The following KDM7A variants were observed in gnomAD, a reference collection of about 807,000 sequenced individuals.
KDM7A encodes the protein lysine-specific demethylase 7A.
Under a neutral mutation model 114.8 loss-of-function variants are expected in KDM7A, and 28 were observed. The observed-to-expected ratio is 0.24, with a 90% CI of 0.18 to 0.33. The LOEUF (loss-of-function observed/expected upper bound fraction) is 0.33. Among genes scored for constraint, KDM7A ranks in the 10% least tolerant of loss-of-function variants. The pLI is 1.00. For missense variants in KDM7A, 942 were observed against 1,142.5 expected (o/e 0.82, Z 2.53); for synonymous variants, 423 against 397.8 (o/e 1.06, Z -0.75).
chr7:140,099,937 A>C lies in KDM7A; in HGVS notation c.1725T>G (p.Asn575Lys). Residue 575 changes from asparagine to lysine, a missense_variant, in exon 13 of 20, where the codon AAT (asparagine) becomes AAG (lysine). Asn to Lys is a moderately conservative substitution (Grantham distance 94). Around this residue, in one of 4 missense-constraint regions of KDM7A, gnomAD observed 512 missense variants for 576.6 expected, o/e 0.89. Transcript: ENST00000397560. ...STVPEWRAKDNDLRLLLTNGR... is the reference protein window; with the variant it reads ...STVPEWRAKDKDLRLLLTNGR... ...CATTTGTCAGCAGTAATCGTAGATC[A>C]TTATCTTTCGCTCTCCATTCAGGTA... is the stretch of plus-strand genomic sequence containing the variant. 4 of 1,611,894 alleles carry C rather than the reference A, an allele frequency of 2.5e-6. No individual in the cohort carries two copies. The highest frequency in any genetic ancestry group is 2.5e-6 in the Non-Finnish European group (3 of 1,177,894).
intron 9 of KDM7A, among the ~76,000 whole-genome samples, chr7:140,114,541 G>A (rs1326181562): frequency 6.6e-6 from 1 of 152,188 alleles, no homozygotes; most frequent in East Asian, 1.9e-4. Flanking sequence ...CCAGCCGCCT[G>A]CCTTGGCCTC....
At chr7:140,115,414 A>C (rs1319833352) in intron 9 of KDM7A, among the ~76,000 whole-genome samples, 1 of 152,238 alleles carries the variant, frequency 6.6e-6, no homozygotes, top group Non-Finnish European at 1.5e-5. Flanking sequence ...TGTAGAAAGA[A>C]GTAGACATGG....
In KDM7A at chr7:140,166,859, T is replaced by C. The variant is rs536430259; in HGVS notation, c.194+9885A>G. Among the ~76,000 whole-genome samples the C allele has an allele frequency of 1.5e-3, 223 of 152,326 alleles. 6 individuals carry two copies. Among genetic ancestry groups the C allele is most frequent in the Middle Eastern group, 0.01 (3 of 294 alleles). On this transcript the variant is annotated intron_variant, in intron 1 of 19. Transcript: ENST00000397560. ...AGTACTAAAACTCTCTATTTGTATA[T>C]TACATATCAGTTCCCTAAGTGATAA...
At chr7:140,096,506 T>C (rs1369300346) in intron 17 of KDM7A, 49 bp downstream of exon 17, 1 of 1,373,586 alleles carries the variant, frequency 7.3e-7, no homozygotes, top group Non-Finnish European at 1.0e-6. Context: ...AGCCATTAAG[T>C]TGGGCAACAT....
chr7:140,133,799 G>A (rs1443349493), intron 2 of KDM7A, 143 bp from the exon 3 acceptor site: 1 of 524,300 alleles, frequency 1.9e-6, no homozygotes, highest in African/African-American at 1.9e-5. Context: ...TTCCAGGCCT[G>A]AGAATTTTGC....
At chr7:140,114,429 C>T (rs966230475) in intron 9 of KDM7A, among the ~76,000 whole-genome samples, 1 of 152,052 alleles carries the variant, frequency 6.6e-6, no homozygotes, top group Admixed American at 6.5e-5. Context: ...CTTGGCCTCC[C>T]GAGGTGCCGG....
chr7:140,166,998 T>C (rs1562961798), intron 1 of KDM7A, among the ~76,000 whole-genome samples: 1 of 151,376 alleles, frequency 6.6e-6, no homozygotes, highest in Non-Finnish European at 1.5e-5. Flanking sequence ...GTAAAGAAAA[T>C]CTCATTTATA....
chr7:140,166,949 A>G (rs2116856087), intron 1 of KDM7A, among the ~76,000 whole-genome samples: 1 of 152,298 alleles, frequency 6.6e-6, no homozygotes, highest in Middle Eastern at 3.4e-3. Context: ...AAAAACAAAC[A>G]ATAACCAACA....
intron 1 of KDM7A, among the ~76,000 whole-genome samples, chr7:140,161,207 A>G (rs1170121815): frequency 1.3e-5 from 2 of 152,268 alleles, no homozygotes; most frequent in African/African-American, 4.8e-5. Flanking sequence ...ATTGTAGCAT[A>G]TGTGACAAGT....
Position 140,176,917 on chromosome 7 carries a change from C to G in KDM7A, c.21G>C (p.Ala7=), listed in dbSNP as rs1794718742. MAGAAA[A]VAAGAAAGAA... is the part of the protein sequence containing the mutation. ...CTCCAGCTGCTGCTCCCGCGGCCAC[C>G]GCCGCCGCCGCTCCGGCCATCTTTA... Residue 7 remains alanine, a synonymous_variant, in exon 1 of 20, where the codon GCG becomes GCC. Transcript: ENST00000397560. This position sits in a 1 kb window ranked among gnomAD's most constrained non-coding sequence, Gnocchi z 4.4. 2.6e-6 allele frequency: 3 copies of G among 1,161,104 alleles called. No homozygotes were observed. Among genetic ancestry groups the G allele is most frequent in the Non-Finnish European group, 2.1e-6 (2 of 936,786 alleles). 71.9% of individuals were successfully genotyped at this position (1,161,104 alleles called of 1,614,324 possible).
intron 11 of KDM7A, among the ~76,000 whole-genome samples, chr7:140,106,289 A>C (rs535891330): frequency 4.0e-5 from 6 of 151,840 alleles, no homozygotes; most frequent in Admixed American, 3.3e-4. Context: ...TATCTCCTTC[A>C]GTTCTGCTCT....
intron 11 of KDM7A, 144 bp downstream of exon 11, chr7:140,110,951 C>A: frequency 2.1e-6 from 1 of 478,714 alleles, no homozygotes; most frequent in Non-Finnish European, 3.6e-6. Flanking sequence ...GGCCTGAAAA[C>A]CTGAGAAACC....
intron 1 of KDM7A, among the ~76,000 whole-genome samples, chr7:140,167,949 G>GA (rs914773460): frequency 1.2e-4 from 18 of 150,426 alleles, no homozygotes; most frequent in African/African-American, 2.2e-4. Context: ...GATAGAATCA[G>GA]AAAAAAAAAT....
Position 140,101,869 on chromosome 7 carries a change from C to T in KDM7A, c.1638+82G>A, listed in dbSNP as rs1818232277. The stretch of plus-strand genomic sequence containing the variant: ...GCCAAGATTAGATATCAACAATAGT[C>T]AAGACTATTCTCTTATTATCCCTAT... On this transcript the variant is annotated intron_variant, in intron 12 of 19. Coordinates refer to ENST00000397560, the MANE Select transcript of KDM7A (RefSeq NM_030647.2). The T allele has an allele frequency of 3.3e-6, 3 of 908,730 alleles. No individual in the cohort carries two copies. In the Admixed American group the frequency reaches 5.9e-5, roughly 18 times the overall value. 56.3% of individuals were successfully genotyped at this position (908,730 alleles called of 1,614,324 possible).
chr7:140,101,732 T>C (rs567792782), intron 12 of KDM7A, among the ~76,000 whole-genome samples: 3 of 152,268 alleles, frequency 2.0e-5, no homozygotes, highest in Middle Eastern at 3.4e-3. Flanking sequence ...TCAATAAACA[T>C]ATCAGCAATC....
At chr7:140,112,719 G>A (rs1399975217) in intron 10 of KDM7A, among the ~76,000 whole-genome samples, 1 of 152,078 alleles carries the variant, frequency 6.6e-6, no homozygotes, top group African/African-American at 2.4e-5. Flanking sequence ...TAATAAAGAT[G>A]AGAAAGACAG....
At position 140,124,735 on chromosome 7, in the gene KDM7A, G is replaced by A. The variant is rs373365226; in HGVS notation, c.937C>T (p.Arg313Cys). Residue 313 changes from arginine (R) to cysteine (C), a missense_variant, in exon 7 of 20, where the codon CGT becomes TGT. This residue lies in a region of KDM7A where 318 missense variants were observed against 453.1 expected (regional missense o/e 0.70). Transcript: ENST00000397560. ...ACAGATGAACTCCAAGATTCATAAC[G>A]TGCCAAATTTTCATCTGTTGGCTTT... Reference protein sequence around the residue: ...LIKPTDENLARYESWSSSVTQ... With the variant: ...LIKPTDENLACYESWSSSVTQ... 6.2e-6 allele frequency: 10 copies of A among 1,611,762 alleles called. No individual in the cohort carries two copies. Among genetic ancestry groups the A allele is most frequent in the Non-Finnish European group, 8.5e-6 (10 of 1,178,672 alleles).
intron 3 of KDM7A, among the ~76,000 whole-genome samples, chr7:140,131,309 G>C (rs1818782916): frequency 6.6e-6 from 1 of 152,060 alleles, no homozygotes; most frequent in Admixed American, 6.5e-5. Flanking sequence ...CTTCCAATGG[G>C]GCATTCCAGT....
intron 18 of KDM7A, 131 bp downstream of exon 18, chr7:140,093,925 T>C (rs1358237966): frequency 7.3e-6 from 5 of 685,988 alleles, no homozygotes; most frequent in Non-Finnish European, 1.3e-5. Context: ...CAAATGTGCA[T>C]TTAACTGTAA....
Sources: gnomAD v4.1 joint callset for allele counts (sites outside exome capture counted in the v4.1 genomes callset) on GRCh38, gnomAD v4.1.1 for gene constraint, gnomAD v4.1.1 regional missense constraint, Gnocchi (gnomAD v3.1) non-coding constraint, MANE v1.5 for transcripts, NCBI Gene and HGNC (gene_info 2026-07-23, HGNC 2026-07-21) for gene names.